The following PDZRN4 variants were observed in gnomAD, a reference collection of about 807,000 sequenced individuals.
The protein encoded by PDZRN4 is PDZ domain containing ring finger 4.
A neutral mutation model predicts 99.0 loss-of-function variants in PDZRN4; 70 were observed. The ratio of observed to expected loss-of-function variants is 0.71; its 90% CI spans 0.58 to 0.86. The LOEUF is 0.86. Ranked by LOEUF, PDZRN4 falls within the 40% of genes least tolerant of loss-of-function variation. The pLI, the probability that PDZRN4 is intolerant of heterozygous loss-of-function variation, is 0.00. For synonymous variants in PDZRN4, 551 were observed against 501.6 expected (o/e 1.10, Z -1.32); for missense variants, 1,474 against 1,331.2 (o/e 1.11, Z -1.67).
At chr12:41,215,648 AT>A (rs59507546) in intron 3 of PDZRN4, among the ~76,000 whole-genome samples, 1 of 151,792 alleles carries the variant, frequency 6.6e-6, no homozygotes, top group African/African-American at 2.4e-5. Context: ...ACATTGTAGG[AT>A]TTTTTTTACA....
At chr12:41,530,139 A>G (rs1011305744) in intron 5 of PDZRN4, among the ~76,000 whole-genome samples, 1 of 152,220 alleles carries the variant, frequency 6.6e-6, no homozygotes, top group African/African-American at 2.4e-5. Context: ...ATACTATGCT[A>G]CAATATCAAC....
chr12:41,307,866 A>G (rs930196243), intron 3 of PDZRN4, among the ~76,000 whole-genome samples: 9 of 152,252 alleles, frequency 5.9e-5, no homozygotes, highest in South Asian at 2.1e-4. Flanking sequence ...CATCTAATCT[A>G]TACATCACTT....
chr12:41,263,198 G>C (rs1951254220), intron 3 of PDZRN4, among the ~76,000 whole-genome samples: 1 of 151,996 alleles, frequency 6.6e-6, no homozygotes, highest in Admixed American at 6.5e-5. Context: ...TTTTTTTGGT[G>C]GTGGTGGGGG....
chr12:41,446,997 C>A (rs1195030801), intron 3 of PDZRN4, among the ~76,000 whole-genome samples: 1 of 151,866 alleles, frequency 6.6e-6, no homozygotes. Context: ...AACAGCTGGA[C>A]TAAAGCAGGA....
chr12:41,229,998 G>T (rs188613773), intron 3 of PDZRN4, among the ~76,000 whole-genome samples: 3 of 152,038 alleles, frequency 2.0e-5, no homozygotes, highest in Admixed American at 2.0e-4. Context: ...GACCTGATTC[G>T]TATTGCTGTG....
At chr12:41,448,253 CT>C (rs1327520050) in intron 3 of PDZRN4, among the ~76,000 whole-genome samples, 2 of 152,136 alleles carry the variant, frequency 1.3e-5, no homozygotes, top group African/African-American at 2.4e-5. Context: ...AAAACTATAA[CT>C]TTCTATTTAA....
intron 3 of PDZRN4, among the ~76,000 whole-genome samples, chr12:41,198,701 G>A (rs1457835706): frequency 1.3e-5 from 2 of 151,240 alleles, no homozygotes; most frequent in Non-Finnish European, 2.9e-5. Context: ...CATGGCACAT[G>A]TATACATATG....
At chr12:41,246,637 G>T (rs903229574) in intron 3 of PDZRN4, among the ~76,000 whole-genome samples, 1 of 152,072 alleles carries the variant, frequency 6.6e-6, no homozygotes, top group Non-Finnish European at 1.5e-5. Context: ...AACTGCAGGG[G>T]CTTGACATCA....
chr12:41,230,217 G>A (rs549005352), intron 3 of PDZRN4, among the ~76,000 whole-genome samples: 1 of 151,962 alleles, frequency 6.6e-6, no homozygotes, highest in South Asian at 2.1e-4. Context: ...TTAGGTTCTG[G>A]GTAAGGGACA....
intron 1 of PDZRN4, 79 bp downstream of exon 1, chr12:41,189,182 T>C (rs1950719162): frequency 2.9e-6 from 4 of 1,386,550 alleles, no homozygotes; most frequent in Admixed American, 2.0e-5. Flanking sequence ...CGCTTCAGGA[T>C]TCCTTTGGAA....
chr12:41,306,513 G>A (rs916050863), intron 3 of PDZRN4, among the ~76,000 whole-genome samples: 1 of 152,112 alleles, frequency 6.6e-6, no homozygotes, highest in Non-Finnish European at 1.5e-5. Context: ...GTTTCGACTG[G>A]GGTGGGTGAT....
intron 4 of PDZRN4, 25 bp from the exon 5 acceptor site, chr12:41,509,786 T>C: frequency 9.3e-7 from 1 of 1,079,672 alleles, no homozygotes; most frequent in Non-Finnish European, 1.4e-6. Context: ...AATCTATTCC[T>C]ATCATATTGC....
At chr12:41,358,500 T>C (rs1447878190) in intron 3 of PDZRN4, among the ~76,000 whole-genome samples, 3 of 151,972 alleles carry the variant, frequency 2.0e-5, no homozygotes, top group Non-Finnish European at 4.4e-5. Flanking sequence ...CTCACTTTTT[T>C]CCATTGTATA....
At chr12:41,337,063 A>G (rs559401363) in intron 3 of PDZRN4, among the ~76,000 whole-genome samples, 1 of 152,260 alleles carries the variant, frequency 6.6e-6, no homozygotes, top group Non-Finnish European at 1.5e-5. Context: ...CCCAGGCAAG[A>G]AGAGGGTCTT....
At chr12:41,367,670 C>T (rs143615364) in intron 3 of PDZRN4, among the ~76,000 whole-genome samples, 1 of 152,042 alleles carries the variant, frequency 6.6e-6, no homozygotes, top group Non-Finnish European at 1.5e-5. Flanking sequence ...CATAAAATAG[C>T]TTGGTGGTAA....
At chr12:41,250,356 C>T (rs1951160770) in intron 3 of PDZRN4, among the ~76,000 whole-genome samples, 1 of 152,114 alleles carries the variant, frequency 6.6e-6, no homozygotes, top group African/African-American at 2.4e-5. Context: ...CAAGAAATGC[C>T]TTGATTATTC....
chr12:41,204,867 A>C (rs1950838337), intron 3 of PDZRN4, among the ~76,000 whole-genome samples: 2 of 151,838 alleles, frequency 1.3e-5, no homozygotes, highest in Admixed American at 6.6e-5. Context: ...TTTTCAGACA[A>C]AATTTTCTCT....
intron 3 of PDZRN4, among the ~76,000 whole-genome samples, chr12:41,256,018 C>T (rs1951202696): frequency 6.6e-6 from 1 of 152,076 alleles, no homozygotes; most frequent in Non-Finnish European, 1.5e-5. Flanking sequence ...TTGGAGGGGA[C>T]ACACATTAAA....
intron 3 of PDZRN4, among the ~76,000 whole-genome samples, chr12:41,292,604 G>A (rs1737255968): frequency 6.6e-6 from 1 of 152,122 alleles, no homozygotes; most frequent in Non-Finnish European, 1.5e-5. Flanking sequence ...AGATAGCCCA[G>A]ATATTTATTC....
Sources: gnomAD v4.1 joint callset for allele counts (sites outside exome capture counted in the v4.1 genomes callset) on GRCh38, gnomAD v4.1.1 for gene constraint, MANE v1.5 for transcripts, NCBI Gene and HGNC (gene_info 2026-07-23, HGNC 2026-07-21) for gene names.